RELN: variants seen among roughly 807,000 people sequenced by gnomAD.
RELN encodes the protein reelin.
In RELN, 108 loss-of-function variants were observed where a neutral mutation model predicts 427.6. That is an observed-to-expected ratio of 0.25 (90% CI 0.22 to 0.30). The LOEUF (loss-of-function observed/expected upper bound fraction) is 0.30. RELN is among the 10% of genes least tolerant of loss of function. RELN has a pLI of 1.00. For missense variants in RELN, 3,715 were observed against 4,302.8 expected, an observed-to-expected ratio of 0.86 and a Z score of 3.82; for synonymous variants, 1,524 against 1,513.4, an observed-to-expected ratio of 1.01 and a Z score of -0.16.
chr7:103,761,201 T>G (rs1465719897), intron 4 of RELN, among the ~76,000 whole-genome samples: 1 of 152,104 alleles, frequency 6.6e-6, no homozygotes, highest in Non-Finnish European at 1.5e-5. Flanking sequence ...AAAATGAAAA[T>G]ATATCTTTAT....
intron 46 of RELN, among the ~76,000 whole-genome samples, chr7:103,531,360 A>T (rs1829936240): frequency 6.6e-6 from 1 of 152,246 alleles, no homozygotes; most frequent in South Asian, 2.1e-4. Context: ...ACTAATGTGT[A>T]TGGCAAGGAA....
chr7:103,850,293 A>C (rs529315374), intron 2 of RELN, among the ~76,000 whole-genome samples: 7 of 152,350 alleles, frequency 4.6e-5, no homozygotes, highest in African/African-American at 1.7e-4. Flanking sequence ...GAAGTGGCAA[A>C]GGGAGACCCT....
intron 46 of RELN, 44 bp downstream of exon 46, chr7:103,535,272 A>C (rs1379703354): frequency 6.3e-7 from 1 of 1,592,916 alleles, no homozygotes; most frequent in Non-Finnish European, 8.6e-7. Context: ...ATTTGGGCTC[A>C]CTATACGTAG....
At chr7:103,692,272 T>C (rs1833887929) in intron 10 of RELN, among the ~76,000 whole-genome samples, 1 of 152,134 alleles carries the variant, frequency 6.6e-6, no homozygotes, top group Non-Finnish European at 1.5e-5. Context: ...AGAGGAAGCA[T>C]GCATGATCTG....
rs1449513051 is a variant in RELN at position 103,500,936 on chromosome 7, A to T, written c.8490-14T>A. 1 of 1,613,716 alleles carries T rather than the reference A, an allele frequency of 6.2e-7. No individual in the cohort carries two copies. Among genetic ancestry groups the T allele is most frequent in the African/African-American group, 1.3e-5 (1 of 74,940 alleles). The stretch of plus-strand genomic sequence containing the variant: ...AACCTTACCGGACTATTGACAATGC[A>T]AAAGCAAAGGAGTGAAAAACAAAAG... On this transcript the variant is annotated splice_polypyrimidine_tract_variant and intron_variant, in intron 52 of 64. Coordinates refer to ENST00000428762, the MANE Select transcript of RELN (RefSeq NM_005045.4).
intron 3 of RELN, among the ~76,000 whole-genome samples, chr7:103,804,763 T>C: frequency 6.6e-6 from 1 of 152,124 alleles, no homozygotes; most frequent in East Asian, 1.9e-4. Context: ...TCTTAAATAT[T>C]AGTTGCAAAA....
chr7:103,505,165 T>C (rs1829166608), intron 51 of RELN, among the ~76,000 whole-genome samples: 1 of 152,208 alleles, frequency 6.6e-6, no homozygotes, highest in African/African-American at 2.4e-5. Context: ...ACGTCCCTGC[T>C]TGACAGCTCT....
At chr7:103,712,138 A>G (rs1789818430) in intron 8 of RELN, among the ~76,000 whole-genome samples, 1 of 152,336 alleles carries the variant, frequency 6.6e-6, no homozygotes, top group East Asian at 1.9e-4. Context: ...TATAATCTCA[A>G]GAATACACAA....
At chr7:103,783,179 T>TTTA (rs1298651457) in intron 3 of RELN, among the ~76,000 whole-genome samples, 9 of 149,504 alleles carry the variant, frequency 6.0e-5, no homozygotes, top group Non-Finnish European at 1.3e-4. Flanking sequence ...TTTTTTTTTT[T>TTTA]AAGACAAAGT....
At chr7:103,669,414 T>G (rs1159472753) in intron 11 of RELN, among the ~76,000 whole-genome samples, 7 of 152,306 alleles carry the variant, frequency 4.6e-5, no homozygotes, top group Admixed American at 1.3e-4. Context: ...GTGTAAACAC[T>G]GGCTCAAACA....
chr7:103,492,117 G>T, intron 57 of RELN, 91 bp from the exon 58 acceptor site: 1 of 988,330 alleles, frequency 1.0e-6, no homozygotes, highest in Non-Finnish European at 1.6e-6. Flanking sequence ...TTATTACTCT[G>T]ATAGGTAATA....
At chr7:103,646,574 G>A (rs1353145330) in intron 16 of RELN, among the ~76,000 whole-genome samples, 1 of 151,888 alleles carries the variant, frequency 6.6e-6, no homozygotes, top group Admixed American at 6.6e-5. Flanking sequence ...GAAGCAGGAA[G>A]AAATAGAAAT....
At chr7:103,852,706 A>G (rs1793853943) in intron 2 of RELN, among the ~76,000 whole-genome samples, 2 of 152,100 alleles carry the variant, frequency 1.3e-5, no homozygotes, top group South Asian at 4.1e-4. Flanking sequence ...TTGTTTTTAA[A>G]TAGAATAAAT....
At chr7:103,935,897 G>T (rs1366155444) in intron 1 of RELN, among the ~76,000 whole-genome samples, 1 of 151,904 alleles carries the variant, frequency 6.6e-6, no homozygotes, top group African/African-American at 2.4e-5. Flanking sequence ...CTCCCTGTGG[G>T]GCACAGCTGT....
chr7:103,624,712 C>G (rs1272244896), intron 20 of RELN, among the ~76,000 whole-genome samples: 1 of 152,154 alleles, frequency 6.6e-6, no homozygotes, highest in Non-Finnish European at 1.5e-5. Context: ...TGTGAGCCAC[C>G]GTGCCTGGCC....
intron 12 of RELN, among the ~76,000 whole-genome samples, chr7:103,655,485 A>T (rs1833005140): frequency 6.6e-6 from 1 of 152,096 alleles, no homozygotes; most frequent in African/African-American, 2.4e-5. Flanking sequence ...TTAATCTAGT[A>T]AAATACACAA....
At chr7:103,586,151 CAGG>C (rs1420471452) in intron 28 of RELN, among the ~76,000 whole-genome samples, 1 of 151,996 alleles carries the variant, frequency 6.6e-6, no homozygotes, top group Non-Finnish European at 1.5e-5. Flanking sequence ...ATCACAAGGT[CAGG>C]AGTTCAAGAC....
intron 1 of RELN, among the ~76,000 whole-genome samples, chr7:103,939,768 A>G (rs991494642): frequency 2.6e-5 from 4 of 152,218 alleles, no homozygotes; most frequent in African/African-American, 7.2e-5. Flanking sequence ...TATATTAATT[A>G]TTGTACAATC....
intron 8 of RELN, among the ~76,000 whole-genome samples, chr7:103,715,488 C>T (rs1463186501): frequency 2.0e-5 from 3 of 152,112 alleles, no homozygotes; most frequent in East Asian, 3.9e-4. Flanking sequence ...TGTGACAGTG[C>T]GTGATTTATT....
Sources: allele counts gnomAD v4.1 joint callset (sites outside exome capture counted in the v4.1 genomes callset), GRCh38; gene constraint gnomAD v4.1.1; transcripts MANE v1.5; gene names NCBI Gene and HGNC (gene_info 2026-07-23, HGNC 2026-07-21).